Variants in NBAS observed in about 807,000 individuals in gnomAD.
NBAS encodes NAG/BC035112 fusion.
In NBAS, 219 loss-of-function variants were observed where a neutral mutation model predicts 302.5. That is an observed-to-expected ratio of 0.72 (90% CI 0.65 to 0.81). The LOEUF (loss-of-function observed/expected upper bound fraction) is 0.81. NBAS is among the 30% of genes least tolerant of loss of function. The probability of loss-of-function intolerance (pLI) is 0.00; values close to 1 mark genes in which losing one functional copy is unlikely to be tolerated. For missense variants in NBAS, 2,932 were observed against 2,841.6 expected (o/e 1.03, Z -0.72); for synonymous variants, 1,118 against 1,021.6 (o/e 1.09, Z -1.80).
At chr2:15,360,883 A>G (rs1440462463) in intron 32 of NBAS, among the ~76,000 whole-genome samples, 1 of 152,008 alleles carries the variant, frequency 6.6e-6, no homozygotes, top group Non-Finnish European at 1.5e-5. Flanking sequence ...GGCTATTTTA[A>G]AGTTAACTTT....
chr2:15,426,837 T>C (rs1677503680), intron 22 of NBAS, among the ~76,000 whole-genome samples: 1 of 152,146 alleles, frequency 6.6e-6, no homozygotes, highest in African/African-American at 2.4e-5. Context: ...ACCTGTTCGT[T>C]TGTTGGCTTC....
the NBAS span, among the ~76,000 whole-genome samples, chr2:14,846,736 AGTT>A: frequency 6.6e-6 from 1 of 152,132 alleles, no homozygotes; most frequent in Non-Finnish European, 1.5e-5. Flanking sequence ...AAGAGAATTA[AGTT>A]GTTATCAACT....
chr2:15,199,121 C>A (rs1572434547), intron 48 of NBAS, among the ~76,000 whole-genome samples: 1 of 96,960 alleles, frequency 1.0e-5, no homozygotes, highest in African/African-American at 4.5e-5. Flanking sequence ...AGTAAGACTC[C>A]ATCTCAAAAA....
At chr2:15,470,013 A>T (rs1679891719) in intron 16 of NBAS, among the ~76,000 whole-genome samples, 1 of 152,162 alleles carries the variant, frequency 6.6e-6, no homozygotes. Context: ...AAAATAAAAA[A>T]AAAATCCCTG....
intron 9 of NBAS, among the ~76,000 whole-genome samples, chr2:15,518,010 T>C (rs1420582374): frequency 6.6e-6 from 1 of 152,150 alleles, no homozygotes; most frequent in African/African-American, 2.4e-5. Flanking sequence ...ATCTGTTTAT[T>C]ACATCATTCT....
At chr2:15,102,082 G>A in the NBAS span, among the ~76,000 whole-genome samples, 1 of 152,168 alleles carries the variant, frequency 6.6e-6, no homozygotes, top group South Asian at 2.1e-4. Context: ...AGCCTCTGTG[G>A]TTAGTAGCAC....
the NBAS span, among the ~76,000 whole-genome samples, chr2:14,826,544 A>G: frequency 1.3e-5 from 2 of 152,222 alleles, no homozygotes; most frequent in Non-Finnish European, 2.9e-5. Flanking sequence ...AGCCATGCCA[A>G]TCTCTCCTCT....
chr2:14,836,365 C>A, the NBAS span, among the ~76,000 whole-genome samples: 1 of 151,610 alleles, frequency 6.6e-6, no homozygotes, highest in Non-Finnish European at 1.5e-5. Context: ...TAAGCTACCC[C>A]AAAGATAGAA....
At chr2:14,844,847 G>A in the NBAS span, among the ~76,000 whole-genome samples, 1 of 152,310 alleles carries the variant, frequency 6.6e-6, no homozygotes, top group East Asian at 1.9e-4. Flanking sequence ...GAGTGGGAAA[G>A]ACCCCATCTC....
chr2:15,279,579 G>C (rs1406393676), intron 42 of NBAS, among the ~76,000 whole-genome samples: 1 of 152,178 alleles, frequency 6.6e-6, no homozygotes, highest in South Asian at 2.1e-4. Context: ...GTTCATCTAT[G>C]TTTGACTTGA....
the NBAS span, among the ~76,000 whole-genome samples, chr2:15,125,662 T>C: frequency 6.6e-6 from 1 of 152,238 alleles, no homozygotes; most frequent in Non-Finnish European, 1.5e-5. Context: ...ATTTAATGAC[T>C]ACCCTGTTAC....
the NBAS span, among the ~76,000 whole-genome samples, chr2:14,802,762 C>T: frequency 6.8e-6 from 1 of 146,290 alleles, no homozygotes; most frequent in Non-Finnish European, 1.5e-5. Context: ...AATTGGAAAT[C>T]ATCATTCTCA....
At chr2:15,288,231 G>T (rs937684051) in intron 41 of NBAS, among the ~76,000 whole-genome samples, 2 of 152,168 alleles carry the variant, frequency 1.3e-5, no homozygotes, top group East Asian at 3.8e-4. Context: ...AGCTCCTTAG[G>T]AACTAAAAAC....
chr2:15,305,893 T>C (rs952557089), intron 40 of NBAS, among the ~76,000 whole-genome samples: 1 of 152,218 alleles, frequency 6.6e-6, no homozygotes, highest in Non-Finnish European at 1.5e-5. Context: ...AGATCTAATT[T>C]CAGCACCAGC....
chr2:15,491,609 G>A (rs1319096481), intron 11 of NBAS, among the ~76,000 whole-genome samples: 6 of 152,098 alleles, frequency 3.9e-5, no homozygotes, highest in African/African-American at 1.4e-4. Flanking sequence ...GGTGGTGGGC[G>A]CCTGTAGTCC....
the NBAS span, among the ~76,000 whole-genome samples, chr2:14,821,169 G>A: frequency 2.2e-4 from 33 of 152,066 alleles, no homozygotes; most frequent in African/African-American, 4.1e-4. Flanking sequence ...CTCGTGATCC[G>A]CCCGCCTCGC....
At chr2:15,071,516 C>CG in the NBAS span, among the ~76,000 whole-genome samples, 1 of 150,398 alleles carries the variant, frequency 6.6e-6, no homozygotes, top group Non-Finnish European at 1.5e-5. Flanking sequence ...CCCAGCTACT[C>CG]GGGGGACTGA....
the NBAS span, among the ~76,000 whole-genome samples, chr2:14,936,556 C>T: frequency 6.6e-6 from 1 of 152,188 alleles, no homozygotes; most frequent in African/African-American, 2.4e-5. Context: ...CATGTGGAGG[C>T]AGAAGCTCAT....
chr2:14,919,870 A>T, the NBAS span, among the ~76,000 whole-genome samples: 2 of 152,190 alleles, frequency 1.3e-5, no homozygotes, highest in Admixed American at 6.6e-5. Context: ...CTTCCTCATT[A>T]AAGTCTTGAA....
Sources: allele counts gnomAD v4.1 joint callset (sites outside exome capture counted in the v4.1 genomes callset), GRCh38; gene constraint gnomAD v4.1.1; transcripts MANE v1.5; gene names NCBI Gene and HGNC (gene_info 2026-07-23, HGNC 2026-07-21).